TXNL4A: variants seen among roughly 807,000 people sequenced by gnomAD.
TXNL4A encodes thioredoxin-like protein 4A.
In TXNL4A, 17 loss-of-function variants were observed where a neutral mutation model predicts 14.6. The ratio of observed to expected loss-of-function variants is 1.16; its 90% confidence interval spans 0.80 to 1.74. The LOEUF is 1.74. Ranked by LOEUF, TXNL4A falls within the 40% of genes most tolerant of loss-of-function variation. TXNL4A has a pLI of 0.00. For synonymous variants in TXNL4A, 83 were observed against 70.6 expected, an observed-to-expected ratio of 1.18 and a Z score of -0.88; for missense variants, 74 against 195.2, an observed-to-expected ratio of 0.38 and a Z score of 3.70.
At chr18:80,032,512 T>C (rs894955256) in intron 1 of TXNL4A, among the ~76,000 whole-genome samples, 46 of 152,196 alleles carry the variant, frequency 3.0e-4, no homozygotes, top group African/African-American at 9.9e-4. Context: ...CCCCATATTT[T>C]GCCCACAAGG....
At chr18:80,018,773 C>T (rs960723837) in intron 1 of TXNL4A, among the ~76,000 whole-genome samples, 1 of 152,170 alleles carries the variant, frequency 6.6e-6, no homozygotes. Flanking sequence ...ATGCTTTTAA[C>T]AGCACCCGTC....
chr18:79,975,447 C>A (rs2051364483), intron 2 of TXNL4A, among the ~76,000 whole-genome samples: 1 of 152,256 alleles, frequency 6.6e-6, no homozygotes, highest in Admixed American at 6.5e-5. Flanking sequence ...ACTAAGTAGG[C>A]TGCTCCCGCC....
intron 1 of TXNL4A, among the ~76,000 whole-genome samples, chr18:80,027,674 T>G (rs967130540): frequency 6.6e-6 from 1 of 152,218 alleles, no homozygotes; most frequent in African/African-American, 2.4e-5. Context: ...AGTATGTAGG[T>G]GACCTTCTCC....
intron 1 of TXNL4A, among the ~76,000 whole-genome samples, chr18:80,023,205 G>A: frequency 6.6e-6 from 1 of 152,152 alleles, no homozygotes. Context: ...TCCTTTGATG[G>A]GGACAGTATT....
At chr18:80,033,148 T>C (rs1223765718) in intron 1 of TXNL4A, among the ~76,000 whole-genome samples, 1 of 152,212 alleles carries the variant, frequency 6.6e-6, no homozygotes. Flanking sequence ...GTCTCGTCGT[T>C]TTCTTCGATT....
chr18:80,006,213 G>A (rs918878452), intron 1 of TXNL4A, among the ~76,000 whole-genome samples: 1 of 152,008 alleles, frequency 6.6e-6, no homozygotes, highest in African/African-American at 2.4e-5. Flanking sequence ...GTGAAACCTT[G>A]TCTCTACTAA....
intron 1 of TXNL4A, among the ~76,000 whole-genome samples, chr18:79,999,506 A>G (rs958125710): frequency 6.8e-6 from 1 of 147,972 alleles, no homozygotes; most frequent in African/African-American, 2.5e-5. Context: ...ACTGCACTTC[A>G]GCCTGAGTGA....
chr18:80,015,734 G>A (rs995212783), intron 1 of TXNL4A, among the ~76,000 whole-genome samples: 1 of 150,518 alleles, frequency 6.6e-6, no homozygotes, highest in African/African-American at 2.4e-5. Context: ...GTGTATATGT[G>A]CCACATTTTC....
chr18:80,011,115 C>T lies in TXNL4A; in HGVS notation c.-61+22736G>A, dbSNP rs963192620. On this transcript the variant is annotated intron_variant, in intron 1 of 2. Coordinates refer to the TXNL4A transcript ENST00000585474. This position sits in a 1 kb window ranked among gnomAD's most constrained non-coding sequence, Gnocchi z 4.1. Reference sequence around the variant, plus strand: ...TACCATTTGGTGCTTGTTAGCCCCTCGGGAAAGGAAACAATTTGGGTTATA... The same window carrying T: ...TACCATTTGGTGCTTGTTAGCCCCTTGGGAAAGGAAACAATTTGGGTTATA... Among the ~76,000 whole-genome samples, 1 of 151,988 alleles carries T rather than the reference C, an allele frequency of 6.6e-6. No individual in the cohort carries two copies. Among genetic ancestry groups the T allele is most frequent in the East Asian group, 1.9e-4 (1 of 5,192 alleles).
chr18:79,990,350 A>G (rs150138465), upstream of TXNL4A, among the ~76,000 whole-genome samples: 5 of 152,342 alleles, frequency 3.3e-5, no homozygotes, highest in African/African-American at 1.2e-4. Context: ...ACAGAATATA[A>G]GCATAGTGGT....
rs760228249 is a variant in TXNL4A, at chr18:79,988,274, T to C, written c.119A>G (p.Lys40Arg). 12 of 1,602,738 alleles carry C rather than the reference T, an allele frequency of 7.5e-6. No individual in the cohort carries two copies. Among genetic ancestry groups the C allele is most frequent in the Non-Finnish European group, 8.5e-7 (1 of 1,172,180 alleles). Residue 40 changes from lysine to arginine, a missense_variant, in exon 1 of 3, where the codon AAG (lysine) becomes AGG (arginine). This residue lies in a region of TXNL4A where 55 missense variants were observed against 116.1 expected (regional missense o/e 0.47). Transcript: ENST00000269601. The part of the protein sequence containing the change: ...FGHDWDPTCM[K>R]MDEVLYSIAE... ...GATGCTGTACAGGACCTCGTCCATC[T>C]TCATGCACGTAGGATCCCAGTCGTG...
intron 1 of TXNL4A, among the ~76,000 whole-genome samples, chr18:80,032,607 A>G (rs1263339878): frequency 1.3e-5 from 2 of 152,200 alleles, no homozygotes; most frequent in African/African-American, 4.8e-5. Context: ...TGGAAGGCCG[A>G]GTTGGGCGGA....
intron 1 of TXNL4A, among the ~76,000 whole-genome samples, chr18:80,017,469 T>G (rs2051819482): frequency 6.6e-6 from 1 of 152,026 alleles, no homozygotes; most frequent in African/African-American, 2.4e-5. Context: ...TTCCAGTTTT[T>G]GCCCATTCAG....
At chr18:80,002,491 A>G (rs1324873058) in intron 1 of TXNL4A, among the ~76,000 whole-genome samples, 1 of 152,242 alleles carries the variant, frequency 6.6e-6, no homozygotes, top group Non-Finnish European at 1.5e-5. Context: ...AAACTCATGT[A>G]GAAAAGGCCG....
chr18:79,988,995 G>A (rs373241048), upstream of TXNL4A, among the ~76,000 whole-genome samples: 2 of 152,352 alleles, frequency 1.3e-5, no homozygotes, highest in African/African-American at 4.8e-5. Flanking sequence ...ATGTGTCGTT[G>A]TTGCCATACC....
chr18:79,984,792 C>T lies in TXNL4A; in HGVS notation c.153+3448G>A, dbSNP rs141549542. On this transcript the variant is annotated intron_variant, in intron 1 of 2. Transcript: ENST00000269601. ...CCCAGCTCACTGAGACTATTTTAAA[C>T]TCTATTTGCGTGGGCTTTTTAACAC... Among the ~76,000 whole-genome samples, 1,208 of 152,250 alleles carry T rather than the reference C, an allele frequency of 7.9e-3. 19 individuals carry two copies. The highest frequency in any genetic ancestry group is 0.027 in the African/African-American group (1,122 of 41,522).
chr18:80,019,226 G>C (rs773998935), intron 1 of TXNL4A, among the ~76,000 whole-genome samples: 8 of 152,160 alleles, frequency 5.3e-5, no homozygotes, highest in African/African-American at 1.9e-4. Context: ...CCTGAAACTA[G>C]GAACAAGAAA....
At chr18:80,010,791 T>G (rs1258550783) in intron 1 of TXNL4A, among the ~76,000 whole-genome samples, 1 of 152,130 alleles carries the variant, frequency 6.6e-6, no homozygotes, top group Admixed American at 6.5e-5. Context: ...GCAGCCTGAT[T>G]TCCCCCCACC....
At chr18:80,019,915 A>G (rs1179159156) in intron 1 of TXNL4A, among the ~76,000 whole-genome samples, 1 of 152,144 alleles carries the variant, frequency 6.6e-6, no homozygotes, top group Non-Finnish European at 1.5e-5. Flanking sequence ...TTAATGGTTA[A>G]AGGTAAAGCC....
Sources: allele counts gnomAD v4.1 joint callset (sites outside exome capture counted in the v4.1 genomes callset), GRCh38; gene constraint gnomAD v4.1.1; regional missense constraint gnomAD v4.1.1; non-coding constraint Gnocchi (gnomAD v3.1); transcripts MANE v1.5; gene names NCBI Gene and HGNC (gene_info 2026-07-23, HGNC 2026-07-21).